The following COMMD10 variants were observed in gnomAD, a reference collection of about 807,000 sequenced individuals.
The protein encoded by COMMD10 is COMM domain-containing protein 10.
Under a neutral mutation model 28.9 loss-of-function variants are expected in COMMD10, and 33 were observed. That is an observed-to-expected ratio of 1.14 (90% CI 0.87 to 1.53). COMMD10 has a LOEUF of 1.53. COMMD10 is among the 40% of genes most tolerant of loss of function. The probability of loss-of-function intolerance (pLI) is 0.00; values close to 1 mark genes in which losing one functional copy is unlikely to be tolerated. For missense variants in COMMD10, 310 were observed against 233.4 expected (o/e 1.33, Z -2.14); for synonymous variants, 110 against 81.7 (o/e 1.35, Z -1.87).
intron 5 of COMMD10, among the ~76,000 whole-genome samples, chr5:116,212,746 T>C (rs574706058): frequency 2.9e-4 from 44 of 152,234 alleles, no homozygotes; most frequent in Non-Finnish European, 4.9e-4. Context: ...TGCTTCAACT[T>C]AATAGTGGTA....
At chr5:116,260,886 G>A (rs557450683) in intron 5 of COMMD10, among the ~76,000 whole-genome samples, 27 of 151,802 alleles carry the variant, frequency 1.8e-4, no homozygotes, top group African/African-American at 6.3e-4. Flanking sequence ...AGTAAGTATT[G>A]TGTCTTTGTC....
chr5:116,235,544 A>G (rs1749639917), intron 5 of COMMD10, among the ~76,000 whole-genome samples: 1 of 152,196 alleles, frequency 6.6e-6, no homozygotes, highest in South Asian at 2.1e-4. Context: ...CAGAAAAGGC[A>G]TACTGGAGAT....
intron 5 of COMMD10, among the ~76,000 whole-genome samples, chr5:116,195,221 A>G (rs1748478398): frequency 6.6e-6 from 1 of 152,200 alleles, no homozygotes; most frequent in Non-Finnish European, 1.5e-5. Flanking sequence ...CTGAATGAGG[A>G]AAAGTTGAAA....
chr5:116,231,119 G>T (rs1580567140), intron 5 of COMMD10, among the ~76,000 whole-genome samples: 3 of 152,204 alleles, frequency 2.0e-5, no homozygotes, highest in African/African-American at 7.2e-5. Flanking sequence ...AGCTTTTAGA[G>T]CCTCTCAGAT....
chr5:116,176,362 C>T (rs1038511089), intron 5 of COMMD10, among the ~76,000 whole-genome samples: 2 of 152,180 alleles, frequency 1.3e-5, no homozygotes, highest in African/African-American at 4.8e-5. Context: ...GATCCACTCT[C>T]GTCGGCCTCC....
chr5:116,105,305 A>G (rs1342097018), intron 4 of COMMD10, among the ~76,000 whole-genome samples: 1 of 152,202 alleles, frequency 6.6e-6, no homozygotes, highest in Non-Finnish European at 1.5e-5. Flanking sequence ...CCAGGGATGA[A>G]GCCGACTTGA....
chr5:116,145,286 C>T (rs1360328507), intron 5 of COMMD10, among the ~76,000 whole-genome samples: 2 of 151,670 alleles, frequency 1.3e-5, no homozygotes, highest in Non-Finnish European at 1.5e-5. Context: ...TTTGTGATCA[C>T]GACTTTGAGA....
At chr5:116,241,878 A>T (rs1749825373) in intron 5 of COMMD10, among the ~76,000 whole-genome samples, 3 of 152,090 alleles carry the variant, frequency 2.0e-5, no homozygotes, top group Admixed American at 2.0e-4. Context: ...CGGCCTCCCA[A>T]AGTGCTGGGA....
intron 5 of COMMD10, among the ~76,000 whole-genome samples, chr5:116,214,546 A>G (rs1749050768): frequency 6.6e-6 from 1 of 152,134 alleles, no homozygotes; most frequent in Non-Finnish European, 1.5e-5. Context: ...TGCCATTTTG[A>G]TGAGGAAACT....
chr5:116,166,284 C>G (rs914402185), intron 5 of COMMD10, among the ~76,000 whole-genome samples: 1 of 152,060 alleles, frequency 6.6e-6, no homozygotes, highest in African/African-American at 2.4e-5. Context: ...ATTTGTAGAG[C>G]TTAAGGACTT....
rs527422430 is a variant in COMMD10, at chr5:116,293,204, C to A, written c.*715C>A. 2.6e-6 allele frequency: 1 copy of A among 386,882 alleles called. No homozygotes were observed. Among genetic ancestry groups the A allele is most frequent in the Non-Finnish European group, 4.6e-6 (1 of 218,882 alleles). 24.0% of individuals were successfully genotyped at this position (386,882 alleles called of 1,614,324 possible). Reference sequence around the variant, plus strand: ...ATAATTGTAATGAGTGCTAAATGGGCACCATTATTCGAATCAGATACCTTT... The same window carrying A: ...ATAATTGTAATGAGTGCTAAATGGGAACCATTATTCGAATCAGATACCTTT... On this transcript the variant is annotated 3_prime_UTR_variant, in exon 7 of 7. Coordinates refer to ENST00000274458, the MANE Select transcript of COMMD10 (RefSeq NM_016144.4).
At chr5:116,230,659 T>C (rs1253378495) in intron 5 of COMMD10, among the ~76,000 whole-genome samples, 1 of 152,046 alleles carries the variant, frequency 6.6e-6, no homozygotes, top group East Asian at 1.9e-4. Context: ...AGACAAGTTG[T>C]TTTAAAAAAG....
chr5:116,113,172 C>T (rs1452713988), intron 4 of COMMD10, among the ~76,000 whole-genome samples: 1 of 152,106 alleles, frequency 6.6e-6, no homozygotes, highest in Non-Finnish European at 1.5e-5. Context: ...AAGGTTTCTG[C>T]TGGGTAGTCT....
chr5:116,239,619 T>C (rs1749762251), intron 5 of COMMD10, among the ~76,000 whole-genome samples: 1 of 152,164 alleles, frequency 6.6e-6, no homozygotes, highest in Non-Finnish European at 1.5e-5. Flanking sequence ...AGAAGATTCA[T>C]AAAGTGCTGG....
At chr5:116,239,912 T>C (rs921299500) in intron 5 of COMMD10, among the ~76,000 whole-genome samples, 3 of 152,150 alleles carry the variant, frequency 2.0e-5, no homozygotes, top group African/African-American at 7.2e-5. Context: ...TATCTACTTA[T>C]AACTTATAAC....
intron 5 of COMMD10, among the ~76,000 whole-genome samples, chr5:116,250,459 G>C (rs1750079103): frequency 6.6e-6 from 1 of 151,360 alleles, no homozygotes; most frequent in Non-Finnish European, 1.5e-5. Context: ...GATACTAGAT[G>C]GAAGTAGTTT....
intron 5 of COMMD10, among the ~76,000 whole-genome samples, chr5:116,286,237 G>C (rs1261693888): frequency 1.3e-5 from 2 of 151,058 alleles, no homozygotes; most frequent in Non-Finnish European, 3.0e-5. Context: ...TTAGTTATTT[G>C]GGTCTTCCTT....
At chr5:116,120,955 A>T (rs190163765) in intron 4 of COMMD10, among the ~76,000 whole-genome samples, 71 of 151,778 alleles carry the variant, frequency 4.7e-4, no homozygotes, top group African/African-American at 1.7e-3. Context: ...GTATGTGTAT[A>T]TGTATATGTT....
intron 5 of COMMD10, among the ~76,000 whole-genome samples, chr5:116,171,960 G>T (rs899720454): frequency 2.0e-5 from 3 of 151,984 alleles, no homozygotes; most frequent in Non-Finnish European, 2.9e-5. Flanking sequence ...ATGTATCCTA[G>T]AACTTAAATT....
Sources: gnomAD v4.1 joint callset for allele counts (sites outside exome capture counted in the v4.1 genomes callset) on GRCh38, gnomAD v4.1.1 for gene constraint, MANE v1.5 for transcripts, NCBI Gene and HGNC (gene_info 2026-07-23, HGNC 2026-07-21) for gene names.